The following NCKAP5 variants were observed in gnomAD, a reference collection of about 807,000 sequenced individuals.
NCKAP5 encodes the protein nck-associated protein 5.
Under a neutral mutation model 167.0 loss-of-function variants are expected in NCKAP5, and 92 were observed. That is an observed-to-expected ratio of 0.55 (90% CI 0.47 to 0.66). The LOEUF (loss-of-function observed/expected upper bound fraction) is 0.66. NCKAP5 is among the 30% of genes least tolerant of loss of function. The pLI is 0.00. For missense variants in NCKAP5, 2,378 were observed against 2,315.0 expected, an observed-to-expected ratio of 1.03 and a Z score of -0.56; for synonymous variants, 891 against 877.4, an observed-to-expected ratio of 1.02 and a Z score of -0.27.
chr2:133,187,047 T>C (rs924881089), intron 5 of NCKAP5, among the ~76,000 whole-genome samples: 6 of 152,050 alleles, frequency 3.9e-5, no homozygotes, highest in South Asian at 2.1e-4. Context: ...CCATGTCAGA[T>C]TGTTAATTTG....
chr2:133,023,849 T>C (rs974045778), intron 6 of NCKAP5, among the ~76,000 whole-genome samples: 1 of 152,184 alleles, frequency 6.6e-6, no homozygotes, highest in Non-Finnish European at 1.5e-5. Flanking sequence ...AAATCCACCA[T>C]TGATGGGTAG....
intron 4 of NCKAP5, among the ~76,000 whole-genome samples, chr2:133,228,599 C>T (rs1447933525): frequency 6.6e-6 from 1 of 152,174 alleles, no homozygotes; most frequent in Non-Finnish European, 1.5e-5. Context: ...ATACTGTGCA[C>T]ATTCCTAGAA....
chr2:133,047,478 A>G (rs980684753), intron 6 of NCKAP5, among the ~76,000 whole-genome samples: 1 of 152,184 alleles, frequency 6.6e-6, no homozygotes, highest in Non-Finnish European at 1.5e-5. Flanking sequence ...TGGACTATGA[A>G]CTCTCAAGGT....
chr2:132,840,934 C>T (rs1225152083), intron 11 of NCKAP5, among the ~76,000 whole-genome samples: 1 of 152,086 alleles, frequency 6.6e-6, no homozygotes, highest in African/African-American at 2.4e-5. Flanking sequence ...TGGACCCATG[C>T]ATTTCAAGCC....
intron 19 of NCKAP5, among the ~76,000 whole-genome samples, chr2:132,720,614 T>G (rs1416612520): frequency 6.6e-6 from 1 of 151,972 alleles, no homozygotes; most frequent in Non-Finnish European, 1.5e-5. Context: ...TGGGAGTGGG[T>G]GGTGGGAGGG....
intron 2 of NCKAP5, chr2:133,526,992 C>G (rs1221589592): frequency 6.6e-6 from 1 of 151,784 alleles, no homozygotes; most frequent in African/African-American, 2.4e-5. Context: ...CTGCCAAAAG[C>G]AAAAACATCC....
intron 6 of NCKAP5, among the ~76,000 whole-genome samples, chr2:133,045,626 T>C (rs2079372833): frequency 6.6e-6 from 1 of 152,208 alleles, no homozygotes; most frequent in South Asian, 2.1e-4. Flanking sequence ...TGAGACCCTC[T>C]GTATGCTAAG....
chr2:133,431,287 A>G (rs1453918669), intron 3 of NCKAP5, among the ~76,000 whole-genome samples: 4 of 152,144 alleles, frequency 2.6e-5, no homozygotes, highest in Non-Finnish European at 4.4e-5. Flanking sequence ...CATACTCTCC[A>G]TGTTTTATAT....
rs1558782711 is a variant in NCKAP5, at chr2:132,790,347, G to A, written c.910-142C>T. The A allele has an allele frequency of 4.2e-6, 3 of 720,834 alleles. No homozygotes were observed. The East Asian group carries it at 8.2e-5, about 20-fold the overall frequency. The allele number at this position is 720,834 out of a possible 1,614,324, so 44.7% of individuals were successfully genotyped here. ...CATCCTGATAAACCCATGGTAACTG[G>A]AAAATCAGCTGAAAATGTACTCAGT... On this transcript the variant is annotated intron_variant, in intron 12 of 19. Coordinates refer to ENST00000409261, the MANE Select transcript of NCKAP5 (RefSeq NM_207363.3).
chr2:133,631,052 C>CT, the NCKAP5 span, among the ~76,000 whole-genome samples: 21 of 152,098 alleles, frequency 1.4e-4, no homozygotes, highest in African/African-American at 5.1e-4. Context: ...AGATTAACAA[C>CT]TATAGATTTG....
chr2:133,141,392 G>A lies in NCKAP5; in HGVS notation c.208-11281C>T, dbSNP rs116420054. On this transcript the variant is annotated intron_variant, in intron 5 of 19. Coordinates refer to ENST00000409261, the MANE Select transcript of NCKAP5 (RefSeq NM_207363.3). Reference sequence around the variant, plus strand: ...TTCTTTTTGTTCGCCCTACTAGACTGTACAGAGTAGTGGAAAGGAAAAAAA... The same window carrying A: ...TTCTTTTTGTTCGCCCTACTAGACTATACAGAGTAGTGGAAAGGAAAAAAA... 1.1e-3 allele frequency among the ~76,000 whole-genome samples: 161 copies of A among 150,060 alleles called. 1 individual carries two copies. The highest frequency in any genetic ancestry group is 3.9e-3 in the African/African-American group (158 of 40,974).
chr2:133,155,442 C>A (rs966355376), intron 5 of NCKAP5, among the ~76,000 whole-genome samples: 9 of 152,164 alleles, frequency 5.9e-5, no homozygotes, highest in Non-Finnish European at 7.4e-5. Flanking sequence ...CAGGACTCCA[C>A]TTTGAGAACC....
rs1185859996 is a variant in NCKAP5, at chr2:133,403,463, T to C, written c.70-100353A>G. Reference sequence around the variant, plus strand: ...TACTAAATGTATTTAGTCTAGTCAATGATGTTTTATTGAGTTTTGAAAATT... The same window carrying C: ...TACTAAATGTATTTAGTCTAGTCAACGATGTTTTATTGAGTTTTGAAAATT... On this transcript the variant is annotated intron_variant, in intron 3 of 19. Coordinates refer to ENST00000409261, the MANE Select transcript of NCKAP5 (RefSeq NM_207363.3). Among the ~76,000 whole-genome samples, 10 of 152,226 alleles carry C rather than the reference T, an allele frequency of 6.6e-5. No homozygotes were observed. The East Asian group carries it at 1.9e-3, about 29-fold the overall frequency.
chr2:132,895,097 C>T (rs993919959), intron 8 of NCKAP5, among the ~76,000 whole-genome samples: 10 of 152,118 alleles, frequency 6.6e-5, no homozygotes, highest in Non-Finnish European at 1.2e-4. Context: ...TTTGGGAGGC[C>T]AAGGCGGGCG....
At chr2:132,972,541 T>C (rs2076865327) in intron 7 of NCKAP5, among the ~76,000 whole-genome samples, 1 of 151,976 alleles carries the variant, frequency 6.6e-6, no homozygotes, top group Non-Finnish European at 1.5e-5. Context: ...CTGGCCACCA[T>C]GGTGAAACAC....
intron 1 of NCKAP5, among the ~76,000 whole-genome samples, chr2:133,564,605 G>A (rs1688413982): frequency 6.6e-6 from 1 of 152,200 alleles, no homozygotes; most frequent in South Asian, 2.1e-4. Flanking sequence ...ACCATGGGGT[G>A]TGACTGTTTC....
chr2:133,477,598 T>C (rs1201673504), intron 3 of NCKAP5, among the ~76,000 whole-genome samples: 1 of 152,182 alleles, frequency 6.6e-6, no homozygotes, highest in Non-Finnish European at 1.5e-5. Flanking sequence ...GTTTAATTTA[T>C]AAATTAGATA....
chr2:133,387,833 A>G (rs894441994), intron 3 of NCKAP5, among the ~76,000 whole-genome samples: 1 of 152,174 alleles, frequency 6.6e-6, no homozygotes, highest in African/African-American at 2.4e-5. Context: ...AGTTGATCAA[A>G]TCGGCTACTG....
the NCKAP5 span, among the ~76,000 whole-genome samples, chr2:133,658,298 G>C: frequency 6.6e-6 from 1 of 152,152 alleles, no homozygotes. Flanking sequence ...AATACATCCT[G>C]TAAGCTTGTA....
Sources: allele counts gnomAD v4.1 joint callset (sites outside exome capture counted in the v4.1 genomes callset), GRCh38; gene constraint gnomAD v4.1.1; transcripts MANE v1.5; gene names NCBI Gene and HGNC (gene_info 2026-07-23, HGNC 2026-07-21).